Variants in GRM5 observed in about 807,000 individuals in gnomAD.
GRM5 encodes glutamate metabotropic receptor 5, also known as metabotropic glutamate receptor 5.
GRM5 carries 19 observed loss-of-function variants against 83.1 expected under a neutral mutation model. The ratio of observed to expected loss-of-function variants is 0.23; its 90% CI spans 0.16 to 0.34. The LOEUF (loss-of-function observed/expected upper bound fraction) is 0.34. Among genes scored for constraint, GRM5 ranks in the 10% least tolerant of loss-of-function variants. The pLI is 1.00. For missense variants in GRM5, 1,160 were observed against 1,588.3 expected (o/e 0.73, Z 4.58); for synonymous variants, 675 against 633.6 (o/e 1.07, Z -0.98).
chr11:88,991,042 G>A (rs1238488234), intron 2 of GRM5, among the ~76,000 whole-genome samples: 1 of 152,136 alleles, frequency 6.6e-6, no homozygotes, highest in Non-Finnish European at 1.5e-5. Flanking sequence ...GAAATAAAGG[G>A]TATTCAATTA....
chr11:88,574,164 G>A (rs983954208), intron 7 of GRM5, among the ~76,000 whole-genome samples: 4 of 152,016 alleles, frequency 2.6e-5, no homozygotes, highest in Admixed American at 1.3e-4. Context: ...GCACACAAAC[G>A]GGTCCTCAGT....
At chr11:88,847,694 A>T (rs879823570) in intron 3 of GRM5, among the ~76,000 whole-genome samples, 2 of 152,210 alleles carry the variant, frequency 1.3e-5, no homozygotes, top group African/African-American at 2.4e-5. Context: ...AAATGAACTG[A>T]TGTTCAAGTA....
Position 88,866,673 on chromosome 11 carries a change from T to A in GRM5, c.662-16518A>T, listed in dbSNP as rs1944671856. On this transcript the variant is annotated intron_variant, in intron 2 of 9. Transcript: ENST00000305447. ...ACTTTTTAACATAATTTGTTAGAGT[T>A]TGACATTCTCCTGGAATACAAAGTA... 3.3e-5 allele frequency among the ~76,000 whole-genome samples: 5 copies of A among 152,118 alleles called. No individual in the cohort carries two copies. The South Asian group carries it at 8.3e-4, about 25-fold the overall frequency.
rs577646540 is a variant in GRM5 at position 88,605,565 on chromosome 11, C to A, written c.1148-601G>T. 2.0e-5 allele frequency among the ~76,000 whole-genome samples: 3 copies of A among 152,156 alleles called. No homozygotes were observed. The East Asian group carries it at 5.8e-4, about 29-fold the overall frequency. On this transcript the variant is annotated intron_variant, in intron 4 of 9. Coordinates refer to ENST00000305447, the MANE Select transcript of GRM5 (RefSeq NM_001143831.3). ...AAACATTTATTAGAGTCAGAATATA[C>A]ACAAAGCTGTGTAATTTATCATCTA...
intron 3 of GRM5, among the ~76,000 whole-genome samples, chr11:88,751,733 C>T (rs571632460): frequency 3.1e-4 from 47 of 152,160 alleles, no homozygotes; most frequent in Non-Finnish European, 5.6e-4. Context: ...TCCAGCAGCA[C>T]ATCAAAAAGC....
At chr11:89,019,825 A>G (rs1423924880) in intron 2 of GRM5, among the ~76,000 whole-genome samples, 1 of 152,186 alleles carries the variant, frequency 6.6e-6, no homozygotes, top group Non-Finnish European at 1.5e-5. Flanking sequence ...CAGGAAGACA[A>G]ATCAGACACC....
At chr11:88,988,038 G>A (rs1174292821) in intron 2 of GRM5, among the ~76,000 whole-genome samples, 1 of 151,272 alleles carries the variant, frequency 6.6e-6, no homozygotes, top group Non-Finnish European at 1.5e-5. Context: ...GAGAGAAGAA[G>A]GCTTCAGACG....
chr11:88,865,188 T>C (rs1234248758), intron 2 of GRM5, among the ~76,000 whole-genome samples: 1 of 152,154 alleles, frequency 6.6e-6, no homozygotes, highest in Non-Finnish European at 1.5e-5. Context: ...CAAAACAGCA[T>C]GGTACTCATA....
chr11:88,780,552 A>G (rs1329603783), intron 3 of GRM5, among the ~76,000 whole-genome samples: 1 of 152,212 alleles, frequency 6.6e-6, no homozygotes, highest in African/African-American at 2.4e-5. Context: ...AGAGCTTTAC[A>G]GATAAAAGTA....
At chr11:88,732,220 A>ATTACT (rs1483274338) in intron 3 of GRM5, among the ~76,000 whole-genome samples, 4 of 152,080 alleles carry the variant, frequency 2.6e-5, no homozygotes, top group Non-Finnish European at 5.9e-5. Context: ...TGAATGCAAG[A>ATTACT]TTACTTTATT....
At chr11:88,547,524 A>G (rs1217163382) in intron 8 of GRM5, among the ~76,000 whole-genome samples, 2 of 152,174 alleles carry the variant, frequency 1.3e-5, no homozygotes, top group Non-Finnish European at 2.9e-5. Context: ...TGCCTTCCCT[A>G]TATAAGCAAC....
chr11:88,866,656 A>G (rs2135556816), intron 2 of GRM5, among the ~76,000 whole-genome samples: 1 of 152,140 alleles, frequency 6.6e-6, no homozygotes. Flanking sequence ...CCACTTTTTA[A>G]CATAATTTGT....
chr11:88,732,856 G>A (rs72966403), intron 3 of GRM5, among the ~76,000 whole-genome samples: 6,386 of 152,048 alleles, frequency 0.042, 141 homozygotes, highest in Middle Eastern at 0.065. Context: ...GACTGTGGAT[G>A]TCCTGTCTTG....
At chr11:88,821,544 A>G (rs1455462326) in intron 3 of GRM5, among the ~76,000 whole-genome samples, 1 of 151,966 alleles carries the variant, frequency 6.6e-6, no homozygotes, top group Non-Finnish European at 1.5e-5. Context: ...TTTGCTTTCA[A>G]TCCTGAGCAG....
chr11:88,635,787 T>C (rs985528932), intron 4 of GRM5, among the ~76,000 whole-genome samples: 5 of 152,180 alleles, frequency 3.3e-5, no homozygotes, highest in African/African-American at 1.2e-4. Flanking sequence ...ATTTTCCATA[T>C]GTTTTCTTCC....
intron 3 of GRM5, among the ~76,000 whole-genome samples, chr11:88,805,949 C>T (rs1363133779): frequency 6.6e-6 from 1 of 152,162 alleles, no homozygotes; most frequent in East Asian, 1.9e-4. Context: ...CTTTGATACT[C>T]TGCCCCAGAT....
At chr11:88,675,964 T>C (rs578057058) in intron 3 of GRM5, among the ~76,000 whole-genome samples, 2 of 152,114 alleles carry the variant, frequency 1.3e-5, no homozygotes, top group African/African-American at 4.8e-5. Flanking sequence ...ATAGTATTTG[T>C]AGAGTGATAA....
intron 2 of GRM5, among the ~76,000 whole-genome samples, chr11:88,987,168 G>A (rs753084630): frequency 3.0e-4 from 45 of 152,252 alleles, no homozygotes; most frequent in African/African-American, 7.0e-4. Context: ...TGCACAAGCC[G>A]AAGCAGGGTG....
intron 2 of GRM5, among the ~76,000 whole-genome samples, chr11:89,046,322 ATAAAAAG>A (rs1941641356): frequency 6.6e-6 from 1 of 152,222 alleles, no homozygotes; most frequent in Non-Finnish European, 1.5e-5. Context: ...TCGATGATTT[ATAAAAAG>A]TATTTTGTAT....
Sources: gnomAD v4.1 joint callset for allele counts (sites outside exome capture counted in the v4.1 genomes callset) on GRCh38, gnomAD v4.1.1 for gene constraint, MANE v1.5 for transcripts, NCBI Gene and HGNC (gene_info 2026-07-23, HGNC 2026-07-21) for gene names.